CSPG4: variants seen among roughly 807,000 people sequenced by gnomAD.
The protein encoded by CSPG4 is chondroitin sulfate proteoglycan 4, also known as chondroitin sulfate proteoglycan 4 (melanoma-associated).
CSPG4 carries 74 observed loss-of-function variants against 139.3 expected under a neutral mutation model. The ratio of observed to expected loss-of-function variants is 0.53; its 90% CI spans 0.44 to 0.64. The LOEUF (loss-of-function observed/expected upper bound fraction) is 0.64. Among genes scored for constraint, CSPG4 ranks in the 30% least tolerant of loss-of-function variants. The probability of loss-of-function intolerance (pLI) is 0.00; values close to 1 mark genes in which losing one functional copy is unlikely to be tolerated. For synonymous variants in CSPG4, 1,234 were observed against 1,394.2 expected (o/e 0.89, Z 2.56); for missense variants, 2,565 against 3,148.3 (o/e 0.81, Z 4.43).
intron 1 of CSPG4, among the ~76,000 whole-genome samples, chr15:75,697,261 C>G (rs1303928515): frequency 6.6e-6 from 1 of 152,178 alleles, no homozygotes; most frequent in African/African-American, 2.4e-5. Context: ...TGGTCTCCCC[C>G]TAGCTCTTTG....
chr15:75,690,828 G>C lies in CSPG4; in HGVS notation c.253-16C>G. The C allele has an allele frequency of 6.3e-7, 1 of 1,593,076 alleles. No homozygotes were observed. The highest frequency in any genetic ancestry group is 8.6e-7 in the Non-Finnish European group (1 of 1,166,994). On this transcript the variant is annotated splice_polypyrimidine_tract_variant and intron_variant, in intron 2 of 9. Transcript: ENST00000308508. Reference sequence around the variant, plus strand: ...CAAGTCTGACCTGAAGAGAGATGGGGAGTGGGAGATAGTGGACAGCACTTT... The same window carrying C: ...CAAGTCTGACCTGAAGAGAGATGGGCAGTGGGAGATAGTGGACAGCACTTT...
rs142987727 is a variant in CSPG4, at chr15:75,708,539, G to A, written c.88+4129C>T. On this transcript the variant is annotated intron_variant, in intron 1 of 9. Coordinates refer to ENST00000308508, the MANE Select transcript of CSPG4 (RefSeq NM_001897.5). ...AGAACAAACATCTGGAGTCCTCAGC[G>A]AGCTGTCTGTCCCTGCAGACCTCTC... Among the ~76,000 whole-genome samples, 865 of 151,996 alleles carry A rather than the reference G, an allele frequency of 5.7e-3. 3 individuals are homozygous for A. Among genetic ancestry groups the A allele is most frequent in the African/African-American group, 0.013 (545 of 41,468 alleles).
In CSPG4 at chr15:75,681,995, C is replaced by A. The variant is rs553067122; in HGVS notation, c.4950+298G>T. Among the ~76,000 whole-genome samples the A allele has an allele frequency of 5.3e-5, 8 of 152,290 alleles. No individual in the cohort carries two copies. In the East Asian group the frequency reaches 1.5e-3, roughly 29 times the overall value. ...CCCCACATGGTGCCCCCTCTCCAGA[C>A]CCTCGGGTCCGGCTGTAGCTTCCTT... On this transcript the variant is annotated intron_variant, in intron 8 of 9. Transcript: ENST00000308508.
rs371941921 is a variant in CSPG4 at position 75,682,984 on chromosome 15, C to T, written c.4507G>A (p.Asp1503Asn). The T allele has an allele frequency of 1.3e-5, 21 of 1,611,310 alleles. No individual in the cohort carries two copies. The highest frequency in any genetic ancestry group is 3.3e-5 in the Admixed American group (2 of 59,984). ...PAEALRSTDG[D>N]SGSEDLVYTI... is the part of the protein sequence containing the mutation. ...TAGACCAGATCCTCAGACCCAGAGT[C>T]GCCGTCCGTGCTCCTCAGAGCCTCC... The change falls in exon 6 of 10, where the codon GAC (aspartate) becomes AAC (asparagine). Residue 1503 changes from aspartate (D) to asparagine (N), a missense_variant. Coordinates refer to ENST00000308508, the MANE Select transcript of CSPG4 (RefSeq NM_001897.5).
intron 1 of CSPG4, among the ~76,000 whole-genome samples, chr15:75,702,718 G>A (rs1339684372): frequency 6.6e-6 from 1 of 152,272 alleles, no homozygotes; most frequent in Non-Finnish European, 1.5e-5. Flanking sequence ...CAGAGCCAGA[G>A]ACTGCTTTTC....
At chr15:75,710,451 A>T (rs539984227) in intron 1 of CSPG4, among the ~76,000 whole-genome samples, 66 of 152,028 alleles carry the variant, frequency 4.3e-4, no homozygotes, top group Non-Finnish European at 8.1e-4. Context: ...GCCCCGACGC[A>T]GGCTGGGAGC....
chr15:75,700,710 T>C (rs1011111571), intron 1 of CSPG4, among the ~76,000 whole-genome samples: 4 of 152,036 alleles, frequency 2.6e-5, no homozygotes, highest in Non-Finnish European at 4.4e-5. Context: ...CAGAAACTGC[T>C]GAAGACAGGG....
Position 75,687,596 on chromosome 15 carries a change from C to G in CSPG4, c.3469G>C (p.Asp1157His). The G allele has an allele frequency of 6.2e-7, 1 of 1,610,938 alleles. No individual in the cohort carries two copies. Among genetic ancestry groups the G allele is most frequent in the Admixed American group, 1.7e-5 (1 of 59,936 alleles). ...TGGACCTCATCCCCACTGCGGATGT[C>G]GAGGTTGGTGTCCAGGTGGAGCACG... is the stretch of plus-strand genomic sequence containing the variant. ...TAVLHLDTNLDIRSGDEVHYH... is the reference protein window; with the variant it reads ...TAVLHLDTNLHIRSGDEVHYH... The change falls in exon 3 of 10, where the codon GAC becomes CAC. Residue 1157 changes from aspartate (D) to histidine (H), a missense_variant. Around this residue, in one of 5 missense-constraint regions of CSPG4, gnomAD observed 2,316 missense variants for 2,818.2 expected, o/e 0.82. Transcript: ENST00000308508. This position sits in a 1 kb window ranked among gnomAD's most constrained non-coding sequence, Gnocchi z 5.4.
At chr15:75,680,058 T>G (rs781367458) in intron 8 of CSPG4, 2 of 152,234 alleles carry the variant, frequency 1.3e-5, no homozygotes, top group Admixed American at 6.5e-5. Context: ...AATAGTAACA[T>G]GGAAACTTAA....
chr15:75,703,472 C>T (rs934238439), intron 1 of CSPG4, among the ~76,000 whole-genome samples: 3 of 151,534 alleles, frequency 2.0e-5, no homozygotes, highest in Admixed American at 6.6e-5. Context: ...AGGAAGCAGG[C>T]GTCTCTGTGG....
intron 1 of CSPG4, among the ~76,000 whole-genome samples, chr15:75,695,201 C>G (rs771426043): frequency 6.6e-6 from 1 of 152,194 alleles, no homozygotes; most frequent in African/African-American, 2.4e-5. Flanking sequence ...CCTACCCACC[C>G]TTGCACTAAA....
At chr15:75,709,451 T>G (rs1336332524) in intron 1 of CSPG4, among the ~76,000 whole-genome samples, 1 of 152,110 alleles carries the variant, frequency 6.6e-6, no homozygotes, top group Admixed American at 6.5e-5. Flanking sequence ...TGGCCTTGAA[T>G]AGAAGACACA....
rs530079059 is a variant in CSPG4, at chr15:75,675,907, G to A, written c.6612C>T (p.Ser2204=). 1 of 1,602,744 alleles carries A rather than the reference G, an allele frequency of 6.2e-7. No individual in the cohort carries two copies. The highest frequency in any genetic ancestry group is 1.3e-5 in the African/African-American group (1 of 75,056). The stretch of plus-strand genomic sequence containing the variant: ...CTCCCTTGGCCACAGCGGGCTCAGG[G>A]CTGGATGCCATGGGGCCTGGCTCGC... The part of the protein sequence containing the change: ...PTGEPGPMAS[S]PEPAVAKGGF... The change falls in exon 10 of 10, where the codon AGC becomes AGT. Residue 2204 remains serine, a synonymous_variant. Transcript: ENST00000308508.
In CSPG4 at chr15:75,690,053, G is replaced by A. The variant is rs1894139341; in HGVS notation, c.1012C>T (p.His338Tyr). ...GCCTCTGGTGTCAGGCCCAGGCGGT[G>A]TTCCTGGAGGTGACGAGAGGCCTCT... is the stretch of plus-strand genomic sequence containing the variant. Reference protein sequence around the residue: ...DAEASRHLQEHRLGLTPEATN... With the variant: ...DAEASRHLQEYRLGLTPEATN... The change falls in exon 3 of 10, where the codon CAC becomes TAC. Residue 338 changes from histidine to tyrosine, a missense_variant. His to Tyr is a moderately conservative substitution (Grantham distance 83). Around this residue, in one of 5 missense-constraint regions of CSPG4, gnomAD observed 2,316 missense variants for 2,818.2 expected, o/e 0.82. Transcript: ENST00000308508. 1 of 1,611,732 alleles carries A rather than the reference G, an allele frequency of 6.2e-7. No individual in the cohort carries two copies. The highest frequency in any genetic ancestry group is 8.5e-7 in the Non-Finnish European group (1 of 1,179,506).
chr15:75,706,029 C>T (rs1401220882), intron 1 of CSPG4, among the ~76,000 whole-genome samples: 2 of 151,986 alleles, frequency 1.3e-5, no homozygotes, highest in African/African-American at 4.8e-5. Context: ...GGCTAGGCCT[C>T]AGGCCTGCCT....
Position 75,700,475 on chromosome 15 carries a change from C to T in CSPG4, c.89-7242G>A, listed in dbSNP as rs181733817. 4.5e-3 allele frequency among the ~76,000 whole-genome samples: 687 copies of T among 152,248 alleles called. 7 individuals are homozygous for T. The highest frequency in any genetic ancestry group is 4.0e-3 in the Non-Finnish European group (270 of 68,018). On this transcript the variant is annotated intron_variant, in intron 1 of 9. Transcript: ENST00000308508. ...TCTGTGGCTCTGGGGCTGGCCGAAT[C>T]GGGAGGGCCCTTCTGCAGGGGCTGG... is the stretch of plus-strand genomic sequence containing the variant.
At chr15:75,712,934 T>TCCCCCACCTG, upstream of CSPG4, 1 of 543,276 alleles carries the variant, frequency 1.8e-6, no homozygotes, top group Non-Finnish European at 3.2e-6. Context: ...AGGCTTGGAC[T>TCCCCCACCTG]CCCCCACCTG....
At position 75,677,053 on chromosome 15, in the gene CSPG4, G is replaced by A; in HGVS notation, c.5466C>T (p.Ala1822=). The A allele has an allele frequency of 2.1e-6, 3 of 1,423,620 alleles. No homozygotes were observed. The highest frequency in any genetic ancestry group is 2.8e-6 in the Non-Finnish European group (3 of 1,082,468). 88.2% of individuals were successfully genotyped at this position (1,423,620 alleles called of 1,614,324 possible). A position where few individuals can be genotyped will look rare whatever the true frequency, so the allele number is the denominator to read the frequency against. The change falls in exon 10 of 10, where the codon GCC becomes GCT. Residue 1822 remains alanine, a synonymous_variant. Transcript: ENST00000308508. ...GCTCATTTACATCCCTCACCGTGAT[G>A]GCAAAGGCCTCTGAGGTTTGGGGTC... ...VAGPQTSEAF[A]ITVRDVNERP... is the part of the protein sequence containing the mutation.
chr15:75,685,113 C>A (rs1293052109), intron 4 of CSPG4, 106 bp downstream of exon 4: 5 of 1,432,172 alleles, frequency 3.5e-6, no homozygotes, highest in Non-Finnish European at 4.7e-6. Context: ...AATGTGACTC[C>A]CCGTCTCCTC....
Sources: allele counts gnomAD v4.1 joint callset (sites outside exome capture counted in the v4.1 genomes callset), GRCh38; gene constraint gnomAD v4.1.1; regional missense constraint gnomAD v4.1.1; non-coding constraint Gnocchi (gnomAD v3.1); transcripts MANE v1.5; gene names NCBI Gene and HGNC (gene_info 2026-07-23, HGNC 2026-07-21).